SDAD1: variants seen among roughly 807,000 people sequenced by gnomAD.
SDAD1 encodes SDA1 domain containing 1, also known as protein SDA1 homolog.
A neutral mutation model predicts 100.3 loss-of-function variants in SDAD1; 79 were observed. The observed-to-expected ratio is 0.79, with a 90% confidence interval of 0.66 to 0.95. SDAD1 has a LOEUF of 0.95. SDAD1 is among the 40% of genes least tolerant of loss of function. SDAD1 has a pLI of 0.00. For missense variants in SDAD1, 790 were observed against 810.9 expected, an observed-to-expected ratio of 0.97 and a Z score of 0.31; for synonymous variants, 267 against 271.4, an observed-to-expected ratio of 0.98 and a Z score of 0.16.
chr4:75,973,982 C>G (rs1730010794), intron 7 of SDAD1, 94 bp downstream of exon 7: 1 of 1,008,898 alleles, frequency 9.9e-7, no homozygotes, highest in East Asian at 2.4e-5. Context: ...GGTGTGCAGG[C>G]ATGCAGTTTA....
chr4:75,967,936 T>A (rs531492399), intron 11 of SDAD1, among the ~76,000 whole-genome samples: 1 of 152,170 alleles, frequency 6.6e-6, no homozygotes, highest in Non-Finnish European at 1.5e-5. Flanking sequence ...AATGGTAATG[T>A]TTAATTTCAA....
At chr4:75,970,263 G>A (rs375944788) in intron 10 of SDAD1, 46 bp downstream of exon 10, 1 of 1,476,402 alleles carries the variant, frequency 6.8e-7, no homozygotes, top group Non-Finnish European at 9.4e-7. Flanking sequence ...AAATAAAATA[G>A]GCAGAGATAA....
In SDAD1 at chr4:75,957,364, C is replaced by T. The variant is rs568696915; in HGVS notation, c.1815G>A (p.Lys605=). 4 of 1,614,098 alleles carry T rather than the reference C, an allele frequency of 2.5e-6. No homozygotes were observed. Among genetic ancestry groups the T allele is most frequent in the Non-Finnish European group, 2.5e-6 (3 of 1,180,018 alleles). The change falls in exon 20 of 22, where the codon AAG becomes AAA. Residue 605 remains lysine, a synonymous_variant. Transcript: ENST00000356260. ...GTCTTGTCTCTTTGTCAGACTTTGG[C>T]TTTTTATGAAGGCGTTCAATGTCCC... is the stretch of plus-strand genomic sequence containing the variant. ...SLRDIERLHK[K]PKSDKETRLA...
At position 75,969,337 on chromosome 4, in the gene SDAD1, T is replaced by A; in HGVS notation, c.946A>T (p.Met316Leu). 1 of 1,613,904 alleles carries A rather than the reference T, an allele frequency of 6.2e-7. No homozygotes were observed. Among genetic ancestry groups the A allele is most frequent in the Non-Finnish European group, 8.5e-7 (1 of 1,179,858 alleles). ...CCKERFEVKM[M>L]LMNLISRLVG... ...AATCTGGAGATAAGGTTCATGAGCATCATCTTCACTTCAAACCTCTCCTTA... is the reference window on the plus strand; with the variant it reads ...AATCTGGAGATAAGGTTCATGAGCAACATCTTCACTTCAAACCTCTCCTTA... The change falls in exon 11 of 22, where the codon ATG becomes TTG. Residue 316 changes from methionine to leucine, a missense_variant. Transcript: ENST00000356260.
Position 75,975,982 on chromosome 4 carries a change from T to C in SDAD1, c.419A>G (p.His140Arg). The C allele has an allele frequency of 6.3e-7, 1 of 1,598,486 alleles. No individual in the cohort carries two copies. The highest frequency in any genetic ancestry group is 1.1e-5 in the South Asian group (1 of 90,654). ...TATATTCTTGATATCAGTCACAATA[T>C]GTGTGTATAAAGTCTGAGGAAAAGA... ...DKLLRKTLYT[H>R]IVTDIKNINA... The change falls in exon 5 of 22, where the codon CAT becomes CGT. Residue 140 changes from histidine to arginine, a missense_variant. Transcript: ENST00000356260.
chr4:75,989,932 A>G (rs931324780), intron 1 of SDAD1, among the ~76,000 whole-genome samples: 8 of 152,232 alleles, frequency 5.3e-5, no homozygotes, highest in African/African-American at 1.4e-4. Context: ...CCACTGAACA[A>G]ATCACAATCT....
At position 75,981,933 on chromosome 4, in the gene SDAD1, C is replaced by A. The variant is rs1461483419; in HGVS notation, c.195G>T (p.Gln65His). The stretch of plus-strand genomic sequence containing the variant: ...TTTATTTAAGCAATTATATTCTTAC[C>A]TGTGCCATAAACATCACCAGCTCTG... ...ELAELVMFMA[Q>H]ISHCYPEYLS... is the part of the protein sequence containing the mutation. The change falls in exon 2 of 22, where the codon CAG becomes CAT. Residue 65 changes from glutamine (Q) to histidine (H), a missense_variant and splice_region_variant. Transcript: ENST00000356260. 1 of 1,595,816 alleles carries A rather than the reference C, an allele frequency of 6.3e-7. No individual in the cohort carries two copies. The highest frequency in any genetic ancestry group is 1.1e-5 in the South Asian group (1 of 89,164).
rs970622694 is a variant in SDAD1, at chr4:75,950,519, T to G, written c.*231A>C. On this transcript the variant is annotated 3_prime_UTR_variant, in exon 22 of 22. Transcript: ENST00000356260. Reference sequence around the variant, plus strand: ...TAGGCACTCAATACATACTTTTTTTTGCATGAATGATAAATGAAATGATTT... The same window carrying G: ...TAGGCACTCAATACATACTTTTTTTGGCATGAATGATAAATGAAATGATTT... 1.5e-5 allele frequency: 7 copies of G among 452,818 alleles called. No individual in the cohort carries two copies. The highest frequency in any genetic ancestry group is 2.9e-5 in the Non-Finnish European group (7 of 244,374). The allele number at this position is 452,818 out of a possible 1,614,324, so 28.1% of individuals were successfully genotyped here.
intron 3 of SDAD1, among the ~76,000 whole-genome samples, chr4:75,979,609 C>T (rs1178474577): frequency 1.3e-5 from 2 of 152,030 alleles, no homozygotes; most frequent in African/African-American, 4.8e-5. Context: ...GCACGCACCA[C>T]CATGCCCGGC....
chr4:75,966,267 T>TAC (rs375225256), intron 12 of SDAD1, among the ~76,000 whole-genome samples: 12,371 of 139,092 alleles, frequency 0.089, 495 homozygotes, highest in East Asian at 0.1. Flanking sequence ...AATGAATGCA[T>TAC]ACACACACAC....
At chr4:75,978,918 G>A (rs189343186) in intron 3 of SDAD1, among the ~76,000 whole-genome samples, 145 of 143,392 alleles carry the variant, frequency 1.0e-3, no homozygotes, top group African/African-American at 3.6e-3. Flanking sequence ...GCTTGAGGCT[G>A]CGGTGAGCTA....
chr4:75,990,801 G>T lies in SDAD1; in HGVS notation c.41C>A (p.Pro14Gln). 2 of 1,614,090 alleles carry T rather than the reference G, an allele frequency of 1.2e-6. No individual in the cohort carries two copies. Among genetic ancestry groups the T allele is most frequent in the Non-Finnish European group, 1.7e-6 (2 of 1,180,012 alleles). ...TCGCTTGATTAGATTCTGTAACTGC[G>T]GCAGGTTGCTGGGAAGCTTGTTGTT... ...RNNNKLPSNL[P>Q]QLQNLIKRDP... The change falls in exon 1 of 22, where the codon CCG (proline) becomes CAG (glutamine). Residue 14 changes from proline (P) to glutamine (Q), a missense_variant. By Grantham distance (76) the Pro-to-Gln change is moderately conservative. Coordinates refer to ENST00000356260, the MANE Select transcript of SDAD1 (RefSeq NM_018115.4).
intron 17 of SDAD1, among the ~76,000 whole-genome samples, chr4:75,959,034 C>T (rs1729067654): frequency 7.5e-6 from 1 of 133,256 alleles, no homozygotes; most frequent in African/African-American, 2.8e-5. Context: ...GGAGGTGGAG[C>T]TTGCCGTGAG....
intron 12 of SDAD1, among the ~76,000 whole-genome samples, chr4:75,966,169 G>C (rs1254169233): frequency 1.3e-5 from 2 of 151,850 alleles, no homozygotes; most frequent in Non-Finnish European, 2.9e-5. Context: ...AAGCCATGAG[G>C]GTAAGGACCT....
Position 75,990,501 on chromosome 4 carries a change from G to T in SDAD1, c.90+251C>A, listed in dbSNP as rs188631820. Among the ~76,000 whole-genome samples the T allele has an allele frequency of 4.6e-5, 7 of 152,308 alleles. No homozygotes were observed. In the East Asian group the frequency reaches 1.4e-3, roughly 29 times the overall value. Reference sequence around the variant, plus strand: ...GAAGAAAAATATCTTAAAACAAAATGAGGTTTTAAAGGTGTTTCAGCGGCA... The same window carrying T: ...GAAGAAAAATATCTTAAAACAAAATTAGGTTTTAAAGGTGTTTCAGCGGCA... On this transcript the variant is annotated intron_variant, in intron 1 of 21. Coordinates refer to ENST00000356260, the MANE Select transcript of SDAD1 (RefSeq NM_018115.4).
At position 75,979,479 on chromosome 4, in the gene SDAD1, AT is replaced by A. The variant is rs199942501; in HGVS notation, c.295-1724del. On this transcript the variant is annotated intron_variant, in intron 3 of 21. Transcript: ENST00000356260. The stretch of plus-strand genomic sequence containing the variant: ...AAAGGAAATCTCTATTATTATTATT[AT>A]TTTTTTTTTTTGAGACAGAGGCTGG... Among the ~76,000 whole-genome samples the A allele has an allele frequency of 8.3e-4, 121 of 146,274 alleles. No individual in the cohort carries two copies. In the East Asian group the frequency reaches 9.5e-3, roughly 11 times the overall value.
rs187016468 is a variant in SDAD1, at chr4:75,972,595, G to C, written c.711+722C>G. ...ATTAGTCATATACTGTTTAAAAGAC[G>C]TTATCACATATTCCAGTACTTTGGT... On this transcript the variant is annotated intron_variant, in intron 8 of 21. Coordinates refer to ENST00000356260, the MANE Select transcript of SDAD1 (RefSeq NM_018115.4). Among the ~76,000 whole-genome samples, 13 of 149,730 alleles carry C rather than the reference G, an allele frequency of 8.7e-5. No homozygotes were observed. The East Asian group carries it at 2.3e-3, about 27-fold the overall frequency.
chr4:75,983,562 C>G (rs1223127425), intron 1 of SDAD1, among the ~76,000 whole-genome samples: 1 of 152,012 alleles, frequency 6.6e-6, no homozygotes, highest in Non-Finnish European at 1.5e-5. Flanking sequence ...AGCTTTTTTT[C>G]ACTGTTTGTT....
In SDAD1 at chr4:75,974,073, C is replaced by T. The variant is rs759009894; in HGVS notation, c.636+3G>A. The T allele has an allele frequency of 1.4e-5, 23 of 1,613,188 alleles. No individual in the cohort carries two copies. The highest frequency in any genetic ancestry group is 2.0e-5 in the Non-Finnish European group (23 of 1,179,384). ...GCTTACACACAGCCCTATAGGTGCT[C>T]ACCTTGGTGACCTTAGAGAAACATG... On this transcript the variant is annotated splice_donor_region_variant and intron_variant, in intron 7 of 21. Coordinates refer to ENST00000356260, the MANE Select transcript of SDAD1 (RefSeq NM_018115.4).
Sources: allele counts gnomAD v4.1 joint callset (sites outside exome capture counted in the v4.1 genomes callset), GRCh38; gene constraint gnomAD v4.1.1; transcripts MANE v1.5; gene names NCBI Gene and HGNC (gene_info 2026-07-23, HGNC 2026-07-21).